TTC28: variants seen among roughly 807,000 people sequenced by gnomAD.
The protein encoded by TTC28 is tetratricopeptide repeat protein 28.
Under a neutral mutation model 198.0 loss-of-function variants are expected in TTC28, and 61 were observed. The ratio of observed to expected loss-of-function variants is 0.31; its 90% CI spans 0.25 to 0.38. The LOEUF (loss-of-function observed/expected upper bound fraction) is 0.38. TTC28 is among the 10% of genes least tolerant of loss of function. The pLI is 1.00. For synonymous variants in TTC28, 1,171 were observed against 1,297.8 expected, an observed-to-expected ratio of 0.90 and a Z score of 2.10; for missense variants, 2,678 against 3,164.0, an observed-to-expected ratio of 0.85 and a Z score of 3.69.
chr22:28,597,856 A>G (rs891773406), intron 2 of TTC28, among the ~76,000 whole-genome samples: 2 of 152,122 alleles, frequency 1.3e-5, no homozygotes, highest in African/African-American at 4.8e-5. Context: ...CAATGGCGCA[A>G]TCATACCTCA....
chr22:28,566,104 T>C (rs2049964552), intron 2 of TTC28, among the ~76,000 whole-genome samples: 1 of 151,814 alleles, frequency 6.6e-6, no homozygotes, highest in Admixed American at 6.6e-5. Flanking sequence ...TCAATACCCC[T>C]GCTTTTGTAT....
intron 2 of TTC28, among the ~76,000 whole-genome samples, chr22:28,326,066 A>G (rs555702481): frequency 6.6e-6 from 1 of 152,232 alleles, no homozygotes; most frequent in African/African-American, 2.4e-5. Flanking sequence ...AATTTCCCCA[A>G]ACTAGAAACA....
intron 1 of TTC28, 118 bp downstream of exon 1, chr22:28,679,504 C>G: frequency 1.5e-6 from 1 of 650,238 alleles, no homozygotes; most frequent in East Asian, 3.6e-5. Flanking sequence ...GGATCGAACC[C>G]GGACTGCGAG....
At chr22:28,171,271 T>C (rs534230079) in intron 5 of TTC28, among the ~76,000 whole-genome samples, 15 of 152,328 alleles carry the variant, frequency 9.8e-5, no homozygotes, top group Admixed American at 3.3e-4. Context: ...CTTTCCTTCA[T>C]TACCGGCCTA....
chr22:28,584,222 T>G (rs1213044544), intron 2 of TTC28, among the ~76,000 whole-genome samples: 1 of 152,168 alleles, frequency 6.6e-6, no homozygotes, highest in African/African-American at 2.4e-5. Context: ...TATTTCAACA[T>G]AATTCCTTTT....
chr22:28,139,902 C>A (rs973641670), intron 6 of TTC28, among the ~76,000 whole-genome samples: 1 of 152,192 alleles, frequency 6.6e-6, no homozygotes, highest in African/African-American at 2.4e-5. Flanking sequence ...AATTCATACA[C>A]ATGACTGGGT....
At chr22:28,493,695 C>G (rs1451558552) in intron 2 of TTC28, among the ~76,000 whole-genome samples, 2 of 152,190 alleles carry the variant, frequency 1.3e-5, no homozygotes, top group Admixed American at 6.5e-5. Flanking sequence ...AACAATACTT[C>G]TGAGACAGTG....
intron 2 of TTC28, among the ~76,000 whole-genome samples, chr22:28,325,783 TAATAG>T (rs2045519608): frequency 6.6e-6 from 1 of 152,020 alleles, no homozygotes; most frequent in South Asian, 2.1e-4. Context: ...AATTAAACTA[TAATAG>T]AATACCACTA....
intron 2 of TTC28, among the ~76,000 whole-genome samples, chr22:28,410,416 A>G (rs1292356146): frequency 6.6e-6 from 1 of 152,204 alleles, no homozygotes; most frequent in Non-Finnish European, 1.5e-5. Flanking sequence ...TATTGTGAAC[A>G]TATTCTTGTT....
intron 6 of TTC28, among the ~76,000 whole-genome samples, chr22:28,162,854 G>A (rs998376591): frequency 6.6e-6 from 1 of 152,214 alleles, no homozygotes; most frequent in South Asian, 2.1e-4. Flanking sequence ...GGAGGCTGAG[G>A]TGGGAAGATC....
chr22:28,151,372 C>T (rs1022224641), intron 6 of TTC28, among the ~76,000 whole-genome samples: 1 of 152,184 alleles, frequency 6.6e-6, no homozygotes, highest in Non-Finnish European at 1.5e-5. Context: ...GACCTGGCAG[C>T]GAGCAGCTAC....
At chr22:28,215,941 G>C (rs1416164782) in intron 5 of TTC28, among the ~76,000 whole-genome samples, 3 of 152,160 alleles carry the variant, frequency 2.0e-5, no homozygotes, top group Non-Finnish European at 2.9e-5. Context: ...ATTAAATTTT[G>C]ACTTGCTTAA....
chr22:28,401,900 T>C (rs778001464), intron 2 of TTC28, among the ~76,000 whole-genome samples: 5 of 152,232 alleles, frequency 3.3e-5, no homozygotes, highest in Admixed American at 6.5e-5. Context: ...AAAAGTTCCA[T>C]GCATTTAATT....
chr22:28,145,278 C>T (rs973819399), intron 6 of TTC28, among the ~76,000 whole-genome samples: 5 of 152,066 alleles, frequency 3.3e-5, no homozygotes, highest in Non-Finnish European at 5.9e-5. Context: ...CTTTTTTACA[C>T]ATCACAAAAC....
At chr22:28,318,534 C>T (rs1207436135) in intron 2 of TTC28, among the ~76,000 whole-genome samples, 2 of 152,176 alleles carry the variant, frequency 1.3e-5, no homozygotes, top group Admixed American at 1.3e-4. Context: ...ATTTACTCTT[C>T]AGAGTCTTCA....
chr22:28,107,200 T>C lies in TTC28; in HGVS notation c.2645A>G (p.Asn882Ser). ...CAGGGCTTCGTAGCAATCCCCCAGG[T>C]TGCCATAGGCCCGGCCCCTGTCGAG... ...SVLDRGRAYG[N>S]LGDCYEALGD... The change falls in exon 7 of 23, where the codon AAC becomes AGC. Residue 882 changes from asparagine (N) to serine (S), a missense_variant. This residue lies in a region of TTC28 where 775 missense variants were observed against 845.9 expected (regional missense o/e 0.92). Coordinates refer to ENST00000397906, the MANE Select transcript of TTC28 (RefSeq NM_001145418.2). 4 of 1,551,744 alleles carry C rather than the reference T, an allele frequency of 2.6e-6. No homozygotes were observed. The highest frequency in any genetic ancestry group is 3.5e-6 in the Non-Finnish European group (4 of 1,147,002).
intron 2 of TTC28, among the ~76,000 whole-genome samples, chr22:28,480,497 C>T (rs756251303): frequency 6.6e-6 from 1 of 152,116 alleles, no homozygotes; most frequent in African/African-American, 2.4e-5. Context: ...TTAAAAAAAG[C>T]CTTTCGTTCT....
At chr22:28,551,513 A>C (rs1008406159) in intron 2 of TTC28, among the ~76,000 whole-genome samples, 1 of 152,244 alleles carries the variant, frequency 6.6e-6, no homozygotes, top group Non-Finnish European at 1.5e-5. Context: ...CCAACAGCAT[A>C]TCAAAAAGAT....
intron 2 of TTC28, among the ~76,000 whole-genome samples, chr22:28,523,714 T>C (rs1046427288): frequency 6.6e-6 from 1 of 152,156 alleles, no homozygotes; most frequent in Non-Finnish European, 1.5e-5. Context: ...CACACACAGT[T>C]AGCAAAGAAC....
Sources: gnomAD v4.1 joint callset for allele counts (sites outside exome capture counted in the v4.1 genomes callset) on GRCh38, gnomAD v4.1.1 for gene constraint, gnomAD v4.1.1 regional missense constraint, MANE v1.5 for transcripts, NCBI Gene and HGNC (gene_info 2026-07-23, HGNC 2026-07-21) for gene names.